Variants in PDZRN3 observed in about 807,000 individuals in gnomAD.
The protein encoded by PDZRN3 is E3 ubiquitin-protein ligase PDZRN3.
A neutral mutation model predicts 85.7 loss-of-function variants in PDZRN3; 38 were observed. The ratio of observed to expected loss-of-function variants is 0.44; its 90% CI spans 0.34 to 0.58. The LOEUF (loss-of-function observed/expected upper bound fraction) is 0.58. Among genes scored for constraint, PDZRN3 ranks in the 20% least tolerant of loss-of-function variants. PDZRN3 has a pLI of 0.01. For missense variants in PDZRN3, 1,629 were observed against 1,506.4 expected, an observed-to-expected ratio of 1.08 and a Z score of -1.35; for synonymous variants, 759 against 638.0, an observed-to-expected ratio of 1.19 and a Z score of -2.86.
chr3:73,611,171 A>C (rs951873719), intron 1 of PDZRN3, among the ~76,000 whole-genome samples: 6 of 152,206 alleles, frequency 3.9e-5, no homozygotes, highest in African/African-American at 1.2e-4. Flanking sequence ...GGTCCTGTTC[A>C]AGATGGTTTT....
chr3:73,387,009 TCTC>T (rs1243574494), intron 8 of PDZRN3, among the ~76,000 whole-genome samples: 1 of 152,212 alleles, frequency 6.6e-6, no homozygotes, highest in Non-Finnish European at 1.5e-5. Flanking sequence ...CCCATACTGT[TCTC>T]ATGGTAGTGA....
At chr3:73,445,703 T>A (rs537882686) in intron 3 of PDZRN3, among the ~76,000 whole-genome samples, 10 of 152,314 alleles carry the variant, frequency 6.6e-5, no homozygotes, top group African/African-American at 2.2e-4. Flanking sequence ...TCAATACACT[T>A]GAGAGCCGGG....
intron 3 of PDZRN3, among the ~76,000 whole-genome samples, chr3:73,421,338 C>T (rs1702198403): frequency 6.6e-6 from 1 of 152,170 alleles, no homozygotes; most frequent in African/African-American, 2.4e-5. Flanking sequence ...CACTCAATGG[C>T]AGAGCCATAA....
At chr3:73,468,046 A>G (rs2106878921) in intron 3 of PDZRN3, among the ~76,000 whole-genome samples, 1 of 152,294 alleles carries the variant, frequency 6.6e-6, no homozygotes, top group East Asian at 1.9e-4. Context: ...AAATATATTT[A>G]ACACCATTGC....
intron 1 of PDZRN3, among the ~76,000 whole-genome samples, chr3:73,614,392 G>C (rs1233830458): frequency 6.6e-6 from 1 of 152,144 alleles, no homozygotes; most frequent in East Asian, 1.9e-4. Context: ...TAATGAGTGT[G>C]GTGGTTCACA....
At chr3:73,577,178 G>A (rs1702138298) in intron 3 of PDZRN3, among the ~76,000 whole-genome samples, 1 of 152,136 alleles carries the variant, frequency 6.6e-6, no homozygotes, top group Non-Finnish European at 1.5e-5. Flanking sequence ...TTGGTGTAAT[G>A]TCTTTCCAAA....
At chr3:73,400,841 A>G in intron 5 of PDZRN3, 81 bp downstream of exon 5, 1 of 1,015,688 alleles carries the variant, frequency 9.8e-7, no homozygotes, top group South Asian at 1.3e-5. Flanking sequence ...CCGTAAACTA[A>G]TTTATGCTTA....
At chr3:73,442,759 C>G (rs1487522152) in intron 3 of PDZRN3, among the ~76,000 whole-genome samples, 1 of 151,340 alleles carries the variant, frequency 6.6e-6, no homozygotes, top group African/African-American at 2.4e-5. Context: ...CCTTGCATTC[C>G]CATGTGACAA....
intron 3 of PDZRN3, among the ~76,000 whole-genome samples, chr3:73,528,980 G>A (rs1704591254): frequency 1.3e-5 from 2 of 151,922 alleles, no homozygotes; most frequent in African/African-American, 2.4e-5. Flanking sequence ...GGTTAGTGGG[G>A]ATAAAACTTG....
Position 73,384,393 on chromosome 3 carries a change from C to G in PDZRN3, c.2173G>C (p.Gly725Arg). The change falls in exon 10 of 10, where the codon GGC (glycine) becomes CGC (arginine). Residue 725 changes from glycine (G) to arginine (R), a missense_variant. Coordinates refer to ENST00000263666, the MANE Select transcript of PDZRN3 (RefSeq NM_015009.3). ...YRESWMLHNS[G>R]FRNYNTSIDV... Reference sequence around the variant, plus strand: ...ATGCTGGTGTTGTAGTTGCGGAAGCCGCTGTTGTGCAGCATCCAGGACTCG... The same window carrying G: ...ATGCTGGTGTTGTAGTTGCGGAAGCGGCTGTTGTGCAGCATCCAGGACTCG... 6.2e-7 allele frequency: 1 copy of G among 1,609,392 alleles called. No individual in the cohort carries two copies. The highest frequency in any genetic ancestry group is 8.5e-7 in the Non-Finnish European group (1 of 1,179,936).
chr3:73,404,426 T>C (rs1196183692), intron 3 of PDZRN3, 31 bp from the exon 4 acceptor site: 8 of 1,592,282 alleles, frequency 5.0e-6, no homozygotes, highest in Non-Finnish European at 6.8e-6. Flanking sequence ...TGGGACAAGG[T>C]TAGAATAAAG....
rs371285803 is a variant in PDZRN3 at position 73,384,644 on chromosome 3, T to G, written c.1922A>C (p.Asp641Ala). 26 of 1,613,754 alleles carry G rather than the reference T, an allele frequency of 1.6e-5. No individual in the cohort carries two copies. In the African/African-American group the frequency reaches 2.3e-4, roughly 14 times the overall value. ...GAGCTCGCGGAAGCGCTCGCACTCG[T>G]CCACCGGGATCCCCAGGTAGTCGGC... ...TDADYLGIPV[D>A]ECERFRELLE... The change falls in exon 10 of 10, where the codon GAC becomes GCC. Residue 641 changes from aspartate (D) to alanine (A), a missense_variant. Coordinates refer to ENST00000263666, the MANE Select transcript of PDZRN3 (RefSeq NM_015009.3).
intron 4 of PDZRN3, among the ~76,000 whole-genome samples, chr3:73,403,685 C>T (rs1283103343): frequency 6.6e-6 from 1 of 152,126 alleles, no homozygotes; most frequent in Non-Finnish European, 1.5e-5. Flanking sequence ...TGATGCAGTA[C>T]TTAGATGAGG....
intron 3 of PDZRN3, among the ~76,000 whole-genome samples, chr3:73,519,708 C>A (rs148443737): frequency 1.9e-3 from 285 of 152,264 alleles, no homozygotes; most frequent in African/African-American, 5.4e-3. Flanking sequence ...ATGGCTATGC[C>A]AGTGGTTCTC....
At chr3:73,580,259 G>A (rs1287496292) in intron 3 of PDZRN3, among the ~76,000 whole-genome samples, 1 of 152,206 alleles carries the variant, frequency 6.6e-6, no homozygotes, top group Admixed American at 6.5e-5. Flanking sequence ...GTATACAAGT[G>A]AGAGGGAGAG....
At chr3:73,602,186 C>T (rs978558457) in intron 3 of PDZRN3, among the ~76,000 whole-genome samples, 168 bp downstream of exon 3, 1 of 152,188 alleles carries the variant, frequency 6.6e-6, no homozygotes, top group Non-Finnish European at 1.5e-5. Flanking sequence ...AAATTTAACA[C>T]CAAGGCAATC....
intron 3 of PDZRN3, among the ~76,000 whole-genome samples, chr3:73,577,039 A>T (rs1430652282): frequency 6.6e-6 from 1 of 152,182 alleles, no homozygotes; most frequent in African/African-American, 2.4e-5. Context: ...GACATGACTA[A>T]ATTAATACTT....
At chr3:73,541,704 A>G (rs1443292680) in intron 3 of PDZRN3, among the ~76,000 whole-genome samples, 1 of 152,210 alleles carries the variant, frequency 6.6e-6, no homozygotes, top group Non-Finnish European at 1.5e-5. Context: ...CATCTTTACC[A>G]AGAAGACTTT....
chr3:73,465,225 C>G (rs1703189237), intron 3 of PDZRN3, among the ~76,000 whole-genome samples: 1 of 152,216 alleles, frequency 6.6e-6, no homozygotes, highest in Admixed American at 6.5e-5. Flanking sequence ...GCCTGGTACA[C>G]AGCAGGTACT....
Sources: gnomAD v4.1 joint callset for allele counts (sites outside exome capture counted in the v4.1 genomes callset) on GRCh38, gnomAD v4.1.1 for gene constraint, MANE v1.5 for transcripts, NCBI Gene and HGNC (gene_info 2026-07-23, HGNC 2026-07-21) for gene names.